Variants in ATXN7L3 observed in about 807,000 individuals in gnomAD.
ATXN7L3 encodes the protein ataxin-7-like protein 3.
ATXN7L3 carries 6 observed loss-of-function variants against 50.0 expected under a neutral mutation model. The ratio of observed to expected loss-of-function variants is 0.12; its 90% CI spans 0.07 to 0.24. The LOEUF (loss-of-function observed/expected upper bound fraction) is 0.24, where lower values mean the gene tolerates loss of function less well. Ranked by LOEUF, ATXN7L3 falls within the 10% of genes least tolerant of loss-of-function variation. ATXN7L3 has a pLI of 1.00. For synonymous variants in ATXN7L3, 198 were observed against 165.8 expected (o/e 1.19, Z -1.49); for missense variants, 322 against 451.3 (o/e 0.71, Z 2.60).
At position 44,197,732 on chromosome 17, in the gene ATXN7L3, TG is replaced by T; in HGVS notation, c.52-3del. 1 of 1,614,266 alleles carries T rather than the reference TG, an allele frequency of 6.2e-7. No homozygotes were observed. Among genetic ancestry groups the T allele is most frequent in the East Asian group, 2.2e-5 (1 of 44,890 alleles). On this transcript the variant is annotated splice_polypyrimidine_tract_variant and splice_region_variant and intron_variant, in intron 2 of 12. Coordinates refer to ENST00000587097, the MANE Select transcript of ATXN7L3 (RefSeq NM_001382309.1). Reference sequence around the variant, plus strand: ...CGCGTATATCTCCTGAGCGATGGCCTGGGCCCCAGGGGAGAACATCTACGGT... The same window carrying T: ...CGCGTATATCTCCTGAGCGATGGCCTGGCCCCAGGGGAGAACATCTACGGT...
intron 9 of ATXN7L3, 123 bp from the exon 10 acceptor site, chr17:44,195,263 T>C: frequency 7.4e-7 from 1 of 1,351,280 alleles, no homozygotes; most frequent in African/African-American, 1.4e-5. Flanking sequence ...CCAGAGCAGA[T>C]GGTCCCAGGA....
At position 44,196,260 on chromosome 17, in the gene ATXN7L3, C is replaced by A. The variant is rs1385630982; in HGVS notation, c.477+136G>T. On this transcript the variant is annotated intron_variant, in intron 6 of 12. Coordinates refer to ENST00000587097, the MANE Select transcript of ATXN7L3 (RefSeq NM_001382309.1). ...CCCCTTCCCCACCCACACTCCCCCG[C>A]CCCGGACCCACCAAAGACACCCTCA... is the stretch of plus-strand genomic sequence containing the variant. The A allele has an allele frequency of 3.6e-6, 4 of 1,122,978 alleles. No individual in the cohort carries two copies. The South Asian group carries it at 4.3e-5, about 12-fold the overall frequency. 69.6% of individuals were successfully genotyped at this position (1,122,978 alleles called of 1,614,324 possible).
intron 5 of ATXN7L3, 108 bp downstream of exon 5, chr17:44,196,821 A>C: frequency 1.4e-6 from 1 of 712,908 alleles, no homozygotes; most frequent in Non-Finnish European, 2.4e-6. Context: ...TCGCGTAACT[A>C]CACTCTCTCT....
rs776085581 is a variant in ATXN7L3, at chr17:44,197,588, T to C, written c.184+10A>G. ...GGGCTGGACTGCTGCTCCTTCACCC[T>C]GAAGCTCACCAAAATCCTTCATGCT... On this transcript the variant is annotated intron_variant, in intron 3 of 12. Coordinates refer to ENST00000587097, the MANE Select transcript of ATXN7L3 (RefSeq NM_001382309.1). The C allele has an allele frequency of 6.2e-7, 1 of 1,614,214 alleles. No individual in the cohort carries two copies. Among genetic ancestry groups the C allele is most frequent in the Non-Finnish European group, 8.5e-7 (1 of 1,180,024 alleles).
chr17:44,195,151 A>C lies in ATXN7L3; in HGVS notation c.622-11T>G. On this transcript the variant is annotated splice_polypyrimidine_tract_variant and intron_variant, in intron 9 of 12. Transcript: ENST00000587097. Reference sequence around the variant, plus strand: ...AATCACCCCACATTGCTGGAAGAGGAATATAAGCTGAAAGGAGGGATGGAA... The same window carrying C: ...AATCACCCCACATTGCTGGAAGAGGCATATAAGCTGAAAGGAGGGATGGAA... 1.2e-6 allele frequency: 2 copies of C among 1,613,536 alleles called. No individual in the cohort carries two copies. Among genetic ancestry groups the C allele is most frequent in the Non-Finnish European group, 1.7e-6 (2 of 1,179,530 alleles).
At position 44,195,444 on chromosome 17, in the gene ATXN7L3, T is replaced by A; in HGVS notation, c.596A>T (p.Glu199Val). Reference protein sequence around the residue: ...TGISYETLGPEELRSLLTTQC... With the variant: ...TGISYETLGPVELRSLLTTQC... ...CGTGGTTAGCAGGCTGCGAAGCTCC[T>A]CCGGCCCCAGGGTCTCATAGCTGAT... Residue 199 changes from glutamate to valine, a missense_variant, in exon 9 of 13, where the codon GAG (glutamate) becomes GTG (valine). Around this residue, in one of 5 missense-constraint regions of ATXN7L3, gnomAD observed 95 missense variants for 98.1 expected, o/e 0.97. Coordinates refer to ENST00000587097, the MANE Select transcript of ATXN7L3 (RefSeq NM_001382309.1). 1 of 1,614,104 alleles carries A rather than the reference T, an allele frequency of 6.2e-7. No individual in the cohort carries two copies. Among genetic ancestry groups the A allele is most frequent in the South Asian group, 1.1e-5 (1 of 91,080 alleles).
At position 44,193,882 on chromosome 17, in the gene ATXN7L3, G is replaced by A. The variant is rs1288449155; in HGVS notation, c.*381C>T. 8 of 192,312 alleles carry A rather than the reference G, an allele frequency of 4.2e-5. No individual in the cohort carries two copies. The highest frequency in any genetic ancestry group is 1.5e-4 in the East Asian group (1 of 6,824). 11.9% of individuals were successfully genotyped at this position (192,312 alleles called of 1,614,324 possible). A position where few individuals can be genotyped will look rare whatever the true frequency, so the allele number is the denominator to read the frequency against. ...CTTCCAACCCACAGCCTCCCGGGTC[G>A]CCACATTGCCCCTCAGCAGGGCTTA... is the stretch of plus-strand genomic sequence containing the variant. On this transcript the variant is annotated 3_prime_UTR_variant, in exon 13 of 13. Transcript: ENST00000587097.
At position 44,194,760 on chromosome 17, in the gene ATXN7L3, C is replaced by G; in HGVS notation, c.737+8G>C. On this transcript the variant is annotated splice_region_variant and intron_variant, in intron 11 of 12. Coordinates refer to ENST00000587097, the MANE Select transcript of ATXN7L3 (RefSeq NM_001382309.1). ...ACAACCCCCCACCCTTCCTGTAGGG[C>G]CACTTACGCCGAGGGCCCGAGAAAA... 1 of 1,614,082 alleles carries G rather than the reference C, an allele frequency of 6.2e-7. No individual in the cohort carries two copies. The highest frequency in any genetic ancestry group is 2.2e-5 in the East Asian group (1 of 44,872).
At chr17:44,197,960 A>C (rs1227000686) in intron 2 of ATXN7L3, 60 bp downstream of exon 2, 6 of 1,582,604 alleles carry the variant, frequency 3.8e-6, no homozygotes, top group Non-Finnish European at 5.2e-6. Context: ...TGGATGCCAG[A>C]TACAGCGACG....
Position 44,197,589 on chromosome 17 carries a change from G to A in ATXN7L3, c.184+9C>T. On this transcript the variant is annotated intron_variant, in intron 3 of 12. Transcript: ENST00000587097. ...GGCTGGACTGCTGCTCCTTCACCCT[G>A]AAGCTCACCAAAATCCTTCATGCTA... 6.2e-7 allele frequency: 1 copy of A among 1,614,204 alleles called. No homozygotes were observed. The highest frequency in any genetic ancestry group is 8.5e-7 in the Non-Finnish European group (1 of 1,180,034).
At chr17:44,194,932 G>A (rs2055828731) in intron 10 of ATXN7L3, 93 bp from the exon 11 acceptor site, 7 of 1,513,236 alleles carry the variant, frequency 4.6e-6, no homozygotes, top group Middle Eastern at 1.9e-4. Flanking sequence ...GACAGGGAAG[G>A]GGTGAATGCA....
intron 8 of ATXN7L3, 29 bp downstream of exon 8, chr17:44,195,771 A>G (rs375960207): frequency 1.3e-6 from 2 of 1,580,542 alleles, no homozygotes; most frequent in South Asian, 2.2e-5. Flanking sequence ...GGACAATGAG[A>G]GCAAGCATGA....
At chr17:44,196,799 A>AAAAT in intron 5 of ATXN7L3, 130 bp downstream of exon 5, 1 of 585,128 alleles carries the variant, frequency 1.7e-6, no homozygotes, top group Non-Finnish European at 3.0e-6. Context: ...AAAAAAAAAA[A>AAAAT]GGAAAAGGAA....
At position 44,191,866 on chromosome 17, in the gene ATXN7L3, GT is replaced by G; in HGVS notation, c.*2396del. 1 of 390,316 alleles carries G rather than the reference GT, an allele frequency of 2.6e-6. No individual in the cohort carries two copies. Among genetic ancestry groups the G allele is most frequent in the Non-Finnish European group, 3.5e-6 (1 of 286,340 alleles). 24.2% of individuals were successfully genotyped at this position (390,316 alleles called of 1,614,324 possible). A position where few individuals can be genotyped will look rare whatever the true frequency, so the allele number is the denominator to read the frequency against. ...CATGGGGGCAGAGGGAATACACAGC[GT>G]TTACAAAGTTAGCTACCTGTACAGA... On this transcript the variant is annotated 3_prime_UTR_variant, in exon 13 of 13. Coordinates refer to ENST00000587097, the MANE Select transcript of ATXN7L3 (RefSeq NM_001382309.1).
At position 44,196,947 on chromosome 17, in the gene ATXN7L3, A is replaced by G. The variant is rs2055927487; in HGVS notation, c.436T>C (p.Tyr146His). Residue 146 changes from tyrosine (Y) to histidine (H), a missense_variant, in exon 5 of 13, where the codon TAT becomes CAT. This residue lies in a region of ATXN7L3 where 95 missense variants were observed against 98.1 expected (regional missense o/e 0.97). Coordinates refer to ENST00000587097, the MANE Select transcript of ATXN7L3 (RefSeq NM_001382309.1). ...NDDINDNDWS[Y>H]GSEKKAKKRK... ...CAAGCACCTTTCTTCTCCGAGCCATAGGACCAGTCGTTGTCATTGATGTCA... is the reference window on the plus strand; with the variant it reads ...CAAGCACCTTTCTTCTCCGAGCCATGGGACCAGTCGTTGTCATTGATGTCA... 1 of 1,612,830 alleles carries G rather than the reference A, an allele frequency of 6.2e-7. No individual in the cohort carries two copies. Among genetic ancestry groups the G allele is most frequent in the Non-Finnish European group, 8.5e-7 (1 of 1,179,464 alleles).
rs1598191095 is a variant in ATXN7L3 at position 44,192,018 on chromosome 17, T to C, written c.*2245A>G. ...TGGCCCCTGGGCATGCGGGGGGGAG[T>C]GATGCATGGAAGGAAAAGCCACCGG... On this transcript the variant is annotated 3_prime_UTR_variant, in exon 13 of 13. Transcript: ENST00000587097. 1 of 141,324 alleles carries C rather than the reference T, an allele frequency of 7.1e-6. No individual in the cohort carries two copies. Among genetic ancestry groups the C allele is most frequent in the East Asian group, 2.1e-4 (1 of 4,816 alleles). The allele number at this position is 141,324 out of a possible 1,614,324, so 8.8% of individuals were successfully genotyped here.
chr17:44,195,387 A>G (rs777116803), intron 9 of ATXN7L3, 32 bp downstream of exon 9: 1 of 1,605,288 alleles, frequency 6.2e-7, no homozygotes, highest in Non-Finnish European at 8.5e-7. Context: ...GCCCACTCCC[A>G]GGGACCTTCT....
intron 8 of ATXN7L3, 46 bp from the exon 9 acceptor site, chr17:44,195,533 GAGA>G (rs1567773583): frequency 1.9e-6 from 3 of 1,561,548 alleles, no homozygotes; most frequent in African/African-American, 2.7e-5. Flanking sequence ...GCAGAGAAAA[GAGA>G]AGGACAGGGG....
In ATXN7L3 at chr17:44,197,867, TTTC is replaced by T. The variant is rs1164504966; in HGVS notation, c.52-140_52-138del. ...TTTTCCCCATCTTGACTTCGTGTTC[TTTC>T]TTCTTCCTGGATCCTTGGCTTTTTC... On this transcript the variant is annotated intron_variant, in intron 2 of 12. Transcript: ENST00000587097. 1.9e-5 allele frequency: 29 copies of T among 1,529,432 alleles called. No individual in the cohort carries two copies. In the Admixed American group the frequency reaches 4.6e-4, roughly 24 times the overall value. 94.7% of individuals were successfully genotyped at this position (1,529,432 alleles called of 1,614,324 possible).
Sources: gnomAD v4.1 joint callset for allele counts on GRCh38, gnomAD v4.1.1 for gene constraint, gnomAD v4.1.1 regional missense constraint, MANE v1.5 for transcripts, NCBI Gene and HGNC (gene_info 2026-07-23, HGNC 2026-07-21) for gene names.